DAAM1: variants seen among roughly 807,000 people sequenced by gnomAD.
DAAM1 encodes dishevelled associated activator of morphogenesis 1.
A neutral mutation model predicts 130.0 loss-of-function variants in DAAM1; 52 were observed. The ratio of observed to expected loss-of-function variants is 0.40; its 90% CI spans 0.32 to 0.50. The LOEUF is 0.50. Among genes scored for constraint, DAAM1 ranks in the 20% least tolerant of loss-of-function variants. DAAM1 has a pLI of 0.61. For synonymous variants in DAAM1, 452 were observed against 444.5 expected, an observed-to-expected ratio of 1.02 and a Z score of -0.21; for missense variants, 1,134 against 1,303.8, an observed-to-expected ratio of 0.87 and a Z score of 2.01.
At chr14:59,197,720 A>G (rs1887945423) in intron 1 of DAAM1, among the ~76,000 whole-genome samples, 1 of 152,170 alleles carries the variant, frequency 6.6e-6, no homozygotes. Context: ...GCTGTGTCTG[A>G]AGTTACGTTT....
rs1055280280 is a variant in DAAM1, at chr14:59,326,161, T to C, written c.1174+84T>C. 2.4e-6 allele frequency: 3 copies of C among 1,273,496 alleles called. No individual in the cohort carries two copies. In the African/African-American group the frequency reaches 4.4e-5, roughly 19 times the overall value. 78.9% of individuals were successfully genotyped at this position (1,273,496 alleles called of 1,614,324 possible). A position where few individuals can be genotyped will look rare whatever the true frequency, so the allele number is the denominator to read the frequency against. On this transcript the variant is annotated intron_variant, in intron 10 of 24. Transcript: ENST00000360909. Reference sequence around the variant, plus strand: ...GTTCTGGCTCCTGCACAGTGCTGATTACATTGGGTGCACACCAGGGATTCC... The same window carrying C: ...GTTCTGGCTCCTGCACAGTGCTGATCACATTGGGTGCACACCAGGGATTCC...
intron 2 of DAAM1, among the ~76,000 whole-genome samples, chr14:59,281,603 C>T (rs564875537): frequency 1.3e-5 from 2 of 152,124 alleles, no homozygotes; most frequent in East Asian, 3.9e-4. Context: ...CCTTTACCTG[C>T]TAAGGAATTT....
chr14:59,333,367 A>T (rs978697147), intron 15 of DAAM1, among the ~76,000 whole-genome samples: 5 of 152,204 alleles, frequency 3.3e-5, no homozygotes, highest in African/African-American at 1.2e-4. Flanking sequence ...CACAATGAAG[A>T]TAAGGCATTG....
Position 59,371,084 on chromosome 14 carries a change from C to T in DAAM1, c.*2225C>T, listed in dbSNP as rs141777515. On this transcript the variant is annotated 3_prime_UTR_variant, in exon 25 of 25. Transcript: ENST00000360909. The stretch of plus-strand genomic sequence containing the variant: ...ACTGTGTGCAGGTAATTCCATGTGC[C>T]ATTGTTGAAAAGAAAAAAAAAAAAC... 1.6e-5 allele frequency: 2 copies of T among 127,114 alleles called. No individual in the cohort carries two copies. Among genetic ancestry groups the T allele is most frequent in the Non-Finnish European group, 3.2e-5 (2 of 62,260 alleles). 7.9% of individuals were successfully genotyped at this position (127,114 alleles called of 1,614,324 possible).
At chr14:59,335,382 T>C (rs1421048212) in intron 15 of DAAM1, among the ~76,000 whole-genome samples, 2 of 152,358 alleles carry the variant, frequency 1.3e-5, no homozygotes, top group East Asian at 3.9e-4. Flanking sequence ...AGGTCCTCTT[T>C]TTCTCATTGA....
At chr14:59,354,146 C>A (rs529425831) in intron 19 of DAAM1, among the ~76,000 whole-genome samples, 182 bp downstream of exon 19, 1 of 151,688 alleles carries the variant, frequency 6.6e-6, no homozygotes, top group South Asian at 2.1e-4. Context: ...GTGCAAGCTC[C>A]GCCTCCCAGG....
chr14:59,243,379 T>C (rs900922542), intron 1 of DAAM1, among the ~76,000 whole-genome samples: 1 of 152,188 alleles, frequency 6.6e-6, no homozygotes, highest in Admixed American at 6.5e-5. Flanking sequence ...TTAAGCTTTT[T>C]CTAGAGCAGC....
At chr14:59,269,311 C>T (rs1386217169) in intron 2 of DAAM1, among the ~76,000 whole-genome samples, 1 of 152,210 alleles carries the variant, frequency 6.6e-6, no homozygotes, top group Non-Finnish European at 1.5e-5. Context: ...GCCTCTCTTC[C>T]AGCTCCTTAC....
chr14:59,358,669 C>A (rs2139679757), intron 20 of DAAM1, among the ~76,000 whole-genome samples: 1 of 152,058 alleles, frequency 6.6e-6, no homozygotes, highest in East Asian at 1.9e-4. Context: ...ATGGTGAAAC[C>A]CTGTCTCTAC....
intron 1 of DAAM1, among the ~76,000 whole-genome samples, chr14:59,206,134 C>T (rs1179701754): frequency 6.6e-6 from 1 of 152,130 alleles, no homozygotes; most frequent in African/African-American, 2.4e-5. Flanking sequence ...GGATTACCAG[C>T]ATGAGCTACT....
intron 1 of DAAM1, among the ~76,000 whole-genome samples, chr14:59,198,854 G>A (rs1022090294): frequency 2.0e-5 from 3 of 152,298 alleles, no homozygotes; most frequent in South Asian, 2.1e-4. Flanking sequence ...TTGGGTAATC[G>A]TGGCAATTCC....
At chr14:59,294,049 T>C (rs1344821381) in intron 3 of DAAM1, among the ~76,000 whole-genome samples, 1 of 152,168 alleles carries the variant, frequency 6.6e-6, no homozygotes, top group Non-Finnish European at 1.5e-5. Context: ...CTCTGTCACA[T>C]TTCCCGTCTT....
At chr14:59,307,012 C>T (rs1333436969) in intron 3 of DAAM1, among the ~76,000 whole-genome samples, 1 of 152,162 alleles carries the variant, frequency 6.6e-6, no homozygotes, top group Non-Finnish European at 1.5e-5. Flanking sequence ...ATTAGTCATG[C>T]AGTGTGGCCT....
chr14:59,217,462 A>G (rs1488639729), intron 1 of DAAM1, among the ~76,000 whole-genome samples: 1 of 152,134 alleles, frequency 6.6e-6, no homozygotes, highest in Non-Finnish European at 1.5e-5. Context: ...AAAGTTTGAC[A>G]TTTGATTTTT....
At chr14:59,302,842 T>C (rs1884226272) in intron 3 of DAAM1, among the ~76,000 whole-genome samples, 1 of 152,030 alleles carries the variant, frequency 6.6e-6, no homozygotes, top group Admixed American at 6.5e-5. Context: ...TTAGTAGAGA[T>C]GGGGTTTCAC....
At chr14:59,277,600 C>CTAAAT (rs557874951) in intron 2 of DAAM1, among the ~76,000 whole-genome samples, 63 of 151,868 alleles carry the variant, frequency 4.1e-4, no homozygotes, top group Non-Finnish European at 7.8e-4. Flanking sequence ...TTTTGAGAAA[C>CTAAAT]TAAAACTTTC....
chr14:59,292,469 C>T (rs562578309), intron 3 of DAAM1, among the ~76,000 whole-genome samples: 1 of 152,146 alleles, frequency 6.6e-6, no homozygotes, highest in African/African-American at 2.4e-5. Flanking sequence ...AAGGGACTCT[C>T]TCTAGCAGTG....
At chr14:59,276,792 AAAAAC>A (rs1273388172) in intron 2 of DAAM1, among the ~76,000 whole-genome samples, 2 of 152,190 alleles carry the variant, frequency 1.3e-5, no homozygotes, top group South Asian at 2.1e-4. Context: ...AAAGAAAACA[AAAAAC>A]AAAACCCCCA....
At chr14:59,360,716 T>G in intron 21 of DAAM1, 86 bp from the exon 22 acceptor site, 1 of 1,163,240 alleles carries the variant, frequency 8.6e-7, no homozygotes. Context: ...TAGGATGGAC[T>G]TCCAAGCGTG....
Sources: gnomAD v4.1 joint callset for allele counts (sites outside exome capture counted in the v4.1 genomes callset) on GRCh38, gnomAD v4.1.1 for gene constraint, MANE v1.5 for transcripts, NCBI Gene and HGNC (gene_info 2026-07-23, HGNC 2026-07-21) for gene names.